Variants in TP63 observed in about 807,000 individuals in gnomAD.
TP63 encodes the protein tumor protein p63, also known as tumor protein 63.
In TP63, 17 loss-of-function variants were observed where a neutral mutation model predicts 82.8. The observed-to-expected ratio is 0.21, with a 90% CI of 0.14 to 0.31. The LOEUF (loss-of-function observed/expected upper bound fraction) is 0.31, where lower values mean the gene tolerates loss of function less well. TP63 is among the 10% of genes least tolerant of loss of function. The probability of loss-of-function intolerance (pLI) is 1.00; values close to 1 mark genes in which losing one functional copy is unlikely to be tolerated. For missense variants in TP63, 648 were observed against 895.3 expected (o/e 0.72, Z 3.52); for synonymous variants, 330 against 321.7 (o/e 1.03, Z -0.28).
chr3:189,832,857 A>G (rs961255305), intron 4 of TP63, among the ~76,000 whole-genome samples: 1 of 152,208 alleles, frequency 6.6e-6, no homozygotes, highest in Non-Finnish European at 1.5e-5. Context: ...ATAGAGAGCT[A>G]TGCTATAAGT....
At chr3:189,764,841 A>C (rs182608696) in intron 3 of TP63, among the ~76,000 whole-genome samples, 78 of 152,320 alleles carry the variant, frequency 5.1e-4, no homozygotes, top group Admixed American at 2.6e-3. Flanking sequence ...CAGCGTAATG[A>C]ATCAGAAAAT....
At chr3:189,792,563 G>C (rs887140774) in intron 3 of TP63, among the ~76,000 whole-genome samples, 1 of 152,010 alleles carries the variant, frequency 6.6e-6, no homozygotes, top group Non-Finnish European at 1.5e-5. Flanking sequence ...AGACACTTTG[G>C]TAAATGGGTT....
intron 4 of TP63, among the ~76,000 whole-genome samples, chr3:189,835,436 C>A (rs1712991643): frequency 6.6e-6 from 1 of 152,046 alleles, no homozygotes; most frequent in Non-Finnish European, 1.5e-5. Context: ...GAATCTGGTG[C>A]CCAGTAAAAT....
the TP63 span, among the ~76,000 whole-genome samples, chr3:189,598,017 C>G: frequency 1.3e-5 from 2 of 151,236 alleles, no homozygotes; most frequent in South Asian, 2.1e-4. Context: ...TACAAAAAGT[C>G]AGATGGAAGT....
At chr3:189,850,785 G>A (rs966498882) in intron 4 of TP63, among the ~76,000 whole-genome samples, 2 of 151,942 alleles carry the variant, frequency 1.3e-5, no homozygotes, top group Non-Finnish European at 2.9e-5. Context: ...ATATATTTAT[G>A]GATGTGTATT....
intron 4 of TP63, among the ~76,000 whole-genome samples, chr3:189,834,855 C>G (rs528854421): frequency 1.1e-4 from 17 of 149,048 alleles, no homozygotes; most frequent in African/African-American, 4.2e-4. Flanking sequence ...TTTGTTGAAA[C>G]ATAATAGATG....
chr3:189,738,533 A>C (rs1024586673), intron 2 of TP63, 109 bp from the exon 3 acceptor site: 8 of 1,531,610 alleles, frequency 5.2e-6, no homozygotes, highest in Non-Finnish European at 7.2e-6. Context: ...CCAAGAAACC[A>C]ATGAGCCTTG....
intron 1 of TP63, among the ~76,000 whole-genome samples, chr3:189,707,790 A>C (rs1266917513): frequency 1.3e-5 from 2 of 152,202 alleles, no homozygotes; most frequent in Non-Finnish European, 2.9e-5. Context: ...GAACTTAAGA[A>C]AGTTACTTAT....
chr3:189,717,044 C>T (rs892024419), intron 1 of TP63, among the ~76,000 whole-genome samples: 8 of 152,148 alleles, frequency 5.3e-5, no homozygotes, highest in Non-Finnish European at 8.8e-5. Flanking sequence ...GTGATCTGCC[C>T]GCCTTGGGCT....
At chr3:189,778,584 T>C (rs1401007914) in intron 3 of TP63, among the ~76,000 whole-genome samples, 1 of 152,242 alleles carries the variant, frequency 6.6e-6, no homozygotes, top group African/African-American at 2.4e-5. Context: ...AGTAGTCTTC[T>C]AGCTATTGAT....
At chr3:189,866,874 A>G in intron 6 of TP63, 77 bp downstream of exon 6, 2 of 1,166,980 alleles carry the variant, frequency 1.7e-6, no homozygotes, top group Admixed American at 1.8e-5. Flanking sequence ...TGTTTCAGCA[A>G]CAGGGATGTT....
intron 3 of TP63, among the ~76,000 whole-genome samples, chr3:189,740,496 T>G (rs868543265): frequency 3.4e-5 from 5 of 145,154 alleles, no homozygotes; most frequent in Admixed American, 6.7e-5. Context: ...TTGTTGTTTG[T>G]TTTTTGATTT....
Position 189,737,766 on chromosome 3 carries a change from CT to C in TP63, c.91del (p.Trp31GlyfsTer44). The C allele has an allele frequency of 6.2e-7, 1 of 1,613,926 alleles. No individual in the cohort carries two copies. Among genetic ancestry groups the C allele is most frequent in the South Asian group, 1.1e-5 (1 of 91,080 alleles). On this transcript the variant is annotated frameshift_variant, in exon 2 of 14. Transcript: ENST00000264731. LOFTEE classifies it high-confidence loss of function. Reference protein sequence around the residue: ...QRFVETPAHFSWKESYYRSTM... With the variant: ...QRFVETPAHFXWKESYYRSTM... ...TTCGTAGAAACCCCAGCTCATTTCTCTTGGAAAGAAAGTTATTACCGATCCA... is the reference window on the plus strand; with the variant it reads ...TTCGTAGAAACCCCAGCTCATTTCTCTGGAAAGAAAGTTATTACCGATCCA...
In TP63 at chr3:189,872,544, C is replaced by T. The variant is rs147203212; in HGVS notation, c.1213-315C>T. Among the ~76,000 whole-genome samples the T allele has an allele frequency of 2.0e-3, 303 of 151,984 alleles. 2 individuals carry two copies. The highest frequency in any genetic ancestry group is 7.0e-3 in the African/African-American group (290 of 41,470). On this transcript the variant is annotated intron_variant, in intron 9 of 13. Transcript: ENST00000264731. ...ATAACAAAATCACCAATGAAAAGCA[C>T]AAAAATGTAAAACACGTGGCGCTAA...
intron 4 of TP63, among the ~76,000 whole-genome samples, chr3:189,810,564 A>G (rs1276327172): frequency 6.6e-6 from 1 of 152,184 alleles, no homozygotes; most frequent in East Asian, 1.9e-4. Flanking sequence ...CTCCTCATAT[A>G]GAAATCTTAA....
intron 3 of TP63, among the ~76,000 whole-genome samples, chr3:189,748,417 A>G (rs1721538417): frequency 6.6e-6 from 1 of 151,620 alleles, no homozygotes; most frequent in African/African-American, 2.4e-5. Context: ...AAAGAAATCA[A>G]GAAGGCAATT....
intron 4 of TP63, among the ~76,000 whole-genome samples, chr3:189,845,580 A>C (rs1431199384): frequency 6.6e-6 from 1 of 151,942 alleles, no homozygotes; most frequent in African/African-American, 2.4e-5. Flanking sequence ...TCAGAAAGCC[A>C]GGCATAAAGT....
chr3:189,796,400 G>A (rs906236639), intron 3 of TP63, among the ~76,000 whole-genome samples: 1 of 151,932 alleles, frequency 6.6e-6, no homozygotes, highest in African/African-American at 2.4e-5. Context: ...CAATTGAAGA[G>A]ATAATAACAG....
chr3:189,834,888 C>CT (rs10641824), intron 4 of TP63, among the ~76,000 whole-genome samples: 9,266 of 138,686 alleles, frequency 0.067, 355 homozygotes, highest in African/African-American at 0.084. Context: ...GGTTTTTTTC[C>CT]TTTTTTTTTT....
Sources: allele counts gnomAD v4.1 joint callset (sites outside exome capture counted in the v4.1 genomes callset), GRCh38; gene constraint gnomAD v4.1.1; transcripts MANE v1.5; gene names NCBI Gene and HGNC (gene_info 2026-07-23, HGNC 2026-07-21).